The following GREM1 variants were observed in gnomAD, a reference collection of about 807,000 sequenced individuals.
GREM1 encodes gremlin-1.
In GREM1, 6 loss-of-function variants were observed where a neutral mutation model predicts 13.1. The ratio of observed to expected loss-of-function variants is 0.46; its 90% CI spans 0.25 to 0.91. The LOEUF (loss-of-function observed/expected upper bound fraction) is 0.91, where lower values mean the gene tolerates loss of function less well. GREM1 is among the 40% of genes least tolerant of loss of function. GREM1 has a pLI of 0.18. For missense variants in GREM1, 185 were observed against 233.9 expected (o/e 0.79, Z 1.36); for synonymous variants, 98 against 93.7 (o/e 1.05, Z -0.27).
At position 32,742,159 on chromosome 15, in the gene GREM1, G is replaced by C. The variant is rs2055767581; in HGVS notation, c.*10914G>C. 1 of 152,112 alleles carries C rather than the reference G, an allele frequency of 6.6e-6. No individual in the cohort carries two copies. The highest frequency in any genetic ancestry group is 1.5e-5 in the Non-Finnish European group (1 of 68,012). 9.4% of individuals were successfully genotyped at this position (152,112 alleles called of 1,614,324 possible). ...TCTTTTCTTGTGGTGTCTTTGTCCG[G>C]CTTTAGTATAAAGGTAATTCTGGCT... On this transcript the variant is annotated 3_prime_UTR_variant, in exon 2 of 2. Transcript: ENST00000651154.
rs1303364083 is a variant in GREM1 at position 32,738,670 on chromosome 15, T to G, written c.*7425T>G. 1 of 152,192 alleles carries G rather than the reference T, an allele frequency of 6.6e-6. No homozygotes were observed. The highest frequency in any genetic ancestry group is 1.5e-5 in the Non-Finnish European group (1 of 68,020). 9.4% of individuals were successfully genotyped at this position (152,192 alleles called of 1,614,324 possible). A position where few individuals can be genotyped will look rare whatever the true frequency, so the allele number is the denominator to read the frequency against. On this transcript the variant is annotated 3_prime_UTR_variant, in exon 2 of 2. Transcript: ENST00000651154. ...GTTGGAGAACTCACACTTCCTGGTT[T>G]CATAACATACACCAGGCTGGGCATG...
chr15:32,738,083 CAAAAAAAAAAA>C lies in GREM1; in HGVS notation c.*6878_*6888del, dbSNP rs67118209. The stretch of plus-strand genomic sequence containing the variant: ...GGAGGTTCTACCTAGGGTAATTAGG[CAAAAAAAAAAA>C]AAAAAAAAAAAAAAAAAAAAAAAAA... On this transcript the variant is annotated 3_prime_UTR_variant, in exon 2 of 2. Transcript: ENST00000651154. 2 of 18,928 alleles carry C rather than the reference CAAAAAAAAAAA, an allele frequency of 1.1e-4. No homozygotes were observed. The highest frequency in any genetic ancestry group is 2.3e-4 in the African/African-American group (1 of 4,376). 1.2% of individuals were successfully genotyped at this position (18,928 alleles called of 1,614,324 possible).
chr15:32,723,442 G>T (rs1796904292), intron 1 of GREM1, among the ~76,000 whole-genome samples: 2 of 152,142 alleles, frequency 1.3e-5, no homozygotes, highest in African/African-American at 4.8e-5. Context: ...TCTCTGAGAA[G>T]CTGAGGTCTC....
rs2055603266 is a variant in GREM1 at position 32,730,821 on chromosome 15, C to T, written c.131C>T (p.Ser44Leu). ...CCAGACAAGGCCCAGCACAATGACT[C>T]AGAGCAGACTCAGTCGCCCCAGCAG... Reference protein sequence around the residue: ...PPPDKAQHNDSEQTQSPQQPG... With the variant: ...PPPDKAQHNDLEQTQSPQQPG... The change falls in exon 2 of 2, where the codon TCA becomes TTA. Residue 44 changes from serine (S) to leucine (L), a missense_variant. Transcript: ENST00000651154. 3.1e-6 allele frequency: 5 copies of T among 1,613,932 alleles called. No homozygotes were observed. Among genetic ancestry groups the T allele is most frequent in the Non-Finnish European group, 4.2e-6 (5 of 1,179,980 alleles).
chr15:32,737,919 ACT>A lies in GREM1; in HGVS notation c.*6677_*6678del, dbSNP rs1211899580. 1 of 78,530 alleles carries A rather than the reference ACT, an allele frequency of 1.3e-5. No homozygotes were observed. The highest frequency in any genetic ancestry group is 2.5e-5 in the Non-Finnish European group (1 of 40,742). 4.9% of individuals were successfully genotyped at this position (78,530 alleles called of 1,614,324 possible). A position where few individuals can be genotyped will look rare whatever the true frequency, so the allele number is the denominator to read the frequency against. The stretch of plus-strand genomic sequence containing the variant: ...CTCCAGCCTGGGCAACAAGAACAAA[ACT>A]CTGTCTCAAAAAAAAAAAAAAAAAG... On this transcript the variant is annotated 3_prime_UTR_variant, in exon 2 of 2. Transcript: ENST00000651154.
At chr15:32,720,135 A>C (rs991394718) in intron 1 of GREM1, among the ~76,000 whole-genome samples, 3 of 152,096 alleles carry the variant, frequency 2.0e-5, no homozygotes, top group Admixed American at 1.3e-4. Flanking sequence ...TGTAGGAATT[A>C]GAGTCTTTTG....
intron 1 of GREM1, among the ~76,000 whole-genome samples, chr15:32,719,419 G>T (rs199549643): frequency 6.6e-6 from 1 of 152,158 alleles, no homozygotes; most frequent in Admixed American, 6.5e-5. Context: ...ATTCCTGCGC[G>T]CCCGGAGCTG....
In GREM1 at chr15:32,743,552, C is replaced by G. The variant is rs1361130153; in HGVS notation, c.*12307C>G. Reference sequence around the variant, plus strand: ...ATTTCTGATATAGATATAGGAGTGACTAATCTGGGTGGTTCTGGGTCAGAA... The same window carrying G: ...ATTTCTGATATAGATATAGGAGTGAGTAATCTGGGTGGTTCTGGGTCAGAA... On this transcript the variant is annotated 3_prime_UTR_variant, in exon 2 of 2. Coordinates refer to ENST00000651154, the MANE Select transcript of GREM1 (RefSeq NM_013372.7). 1 of 152,178 alleles carries G rather than the reference C, an allele frequency of 6.6e-6. No homozygotes were observed. The highest frequency in any genetic ancestry group is 1.5e-5 in the Non-Finnish European group (1 of 68,034). The allele number at this position is 152,178 out of a possible 1,614,324, so 9.4% of individuals were successfully genotyped here.
rs933896759 is a variant in GREM1, at chr15:32,731,522, A to C, written c.*277A>C. ...TGGGGATGTACCAGAAACCCACCTCACCCCGGCTCACATCTAAAGGGGCGG... is the reference window on the plus strand; with the variant it reads ...TGGGGATGTACCAGAAACCCACCTCCCCCCGGCTCACATCTAAAGGGGCGG... On this transcript the variant is annotated 3_prime_UTR_variant, in exon 2 of 2. Transcript: ENST00000651154. 2.2e-5 allele frequency: 10 copies of C among 462,116 alleles called. No individual in the cohort carries two copies. Among genetic ancestry groups the C allele is most frequent in the Non-Finnish European group, 4.0e-5 (10 of 252,752 alleles). The allele number at this position is 462,116 out of a possible 1,614,324, so 28.6% of individuals were successfully genotyped here.
chr15:32,718,116 G>C lies in GREM1; in HGVS notation c.-47G>C. 1 of 1,272,766 alleles carries C rather than the reference G, an allele frequency of 7.9e-7. No homozygotes were observed. The highest frequency in any genetic ancestry group is 2.3e-4 in the Middle Eastern group (1 of 4,268). 78.8% of individuals were successfully genotyped at this position (1,272,766 alleles called of 1,614,324 possible). ...GGCTCTGGCCGCGGCCGCACTCAGC[G>C]CCACGCGTCGAAAGCGCAGGCCCCG... On this transcript the variant is annotated 5_prime_UTR_variant, in exon 1 of 2. Coordinates refer to ENST00000651154, the MANE Select transcript of GREM1 (RefSeq NM_013372.7).
Position 32,738,083 on chromosome 15 carries a change from C to CAAAAAA in GREM1, c.*6883_*6888dup, listed in dbSNP as rs67118209. 5.3e-5 allele frequency: 1 copy of CAAAAAA among 18,922 alleles called. No individual in the cohort carries two copies. The highest frequency in any genetic ancestry group is 8.6e-5 in the Non-Finnish European group (1 of 11,644). 1.2% of individuals were successfully genotyped at this position (18,922 alleles called of 1,614,324 possible). A position where few individuals can be genotyped will look rare whatever the true frequency, so the allele number is the denominator to read the frequency against. On this transcript the variant is annotated 3_prime_UTR_variant, in exon 2 of 2. Coordinates refer to ENST00000651154, the MANE Select transcript of GREM1 (RefSeq NM_013372.7). ...GGAGGTTCTACCTAGGGTAATTAGG[C>CAAAAAA]AAAAAAAAAAAAAAAAAAAAAAAAA...
rs1186065300 is a variant in GREM1 at position 32,735,331 on chromosome 15, T to C, written c.*4086T>C. 1 of 152,152 alleles carries C rather than the reference T, an allele frequency of 6.6e-6. No homozygotes were observed. The highest frequency in any genetic ancestry group is 1.5e-5 in the Non-Finnish European group (1 of 68,022). The allele number at this position is 152,152 out of a possible 1,614,324, so 9.4% of individuals were successfully genotyped here. On this transcript the variant is annotated 3_prime_UTR_variant, in exon 2 of 2. Coordinates refer to ENST00000651154, the MANE Select transcript of GREM1 (RefSeq NM_013372.7). ...ACCAGACACTGTGCTAAGGATTTTC[T>C]TTGAATTGTTTCTCACTCAATCTTC...
rs1595856084 is a variant in GREM1 at position 32,735,971 on chromosome 15, G to A, written c.*4726G>A. The A allele has an allele frequency of 1.3e-5, 2 of 152,288 alleles. No individual in the cohort carries two copies. The highest frequency in any genetic ancestry group is 4.2e-4 in the South Asian group (2 of 4,818). 9.4% of individuals were successfully genotyped at this position (152,288 alleles called of 1,614,324 possible). On this transcript the variant is annotated 3_prime_UTR_variant, in exon 2 of 2. Coordinates refer to ENST00000651154, the MANE Select transcript of GREM1 (RefSeq NM_013372.7). ...TTCAAGAAAAAGACTAAATCTCTGTGAGCACTGTGATATTGTAACTTGCAC... is the reference window on the plus strand; with the variant it reads ...TTCAAGAAAAAGACTAAATCTCTGTAAGCACTGTGATATTGTAACTTGCAC...
intron 1 of GREM1, among the ~76,000 whole-genome samples, chr15:32,727,187 C>T (rs939710825): frequency 7.1e-6 from 1 of 141,242 alleles, no homozygotes; most frequent in Non-Finnish European, 1.5e-5. Flanking sequence ...ATACCAAAAC[C>T]TGGCAGAGAC....
rs754153370 is a variant in GREM1, at chr15:32,743,021, C to T, written c.*11776C>T. On this transcript the variant is annotated 3_prime_UTR_variant, in exon 2 of 2. Coordinates refer to ENST00000651154, the MANE Select transcript of GREM1 (RefSeq NM_013372.7). ...AAACAAAAATAGACAAATGGGACTA[C>T]CTCAAATTAAAATGTTTCTGCACAG... is the stretch of plus-strand genomic sequence containing the variant. 7 of 152,102 alleles carry T rather than the reference C, an allele frequency of 4.6e-5. No individual in the cohort carries two copies. Among genetic ancestry groups the T allele is most frequent in the Non-Finnish European group, 8.8e-5 (6 of 68,020 alleles). 9.4% of individuals were successfully genotyped at this position (152,102 alleles called of 1,614,324 possible). A position where few individuals can be genotyped will look rare whatever the true frequency, so the allele number is the denominator to read the frequency against.
rs1353997535 is a variant in GREM1 at position 32,742,822 on chromosome 15, C to T, written c.*11577C>T. The T allele has an allele frequency of 6.6e-6, 1 of 152,134 alleles. No homozygotes were observed. Among genetic ancestry groups the T allele is most frequent in the African/African-American group, 2.4e-5 (1 of 41,434 alleles). 9.4% of individuals were successfully genotyped at this position (152,134 alleles called of 1,614,324 possible). On this transcript the variant is annotated 3_prime_UTR_variant, in exon 2 of 2. Transcript: ENST00000651154. ...TGGTGTTGGGAAAACTGAATATCCA[C>T]ATGCAAAAGAATAAAATTGGACCCT...
In GREM1 at chr15:32,742,469, C is replaced by A. The variant is rs1404084908; in HGVS notation, c.*11224C>A. 6.6e-6 allele frequency: 1 copy of A among 152,110 alleles called. No individual in the cohort carries two copies. The highest frequency in any genetic ancestry group is 2.4e-5 in the African/African-American group (1 of 41,422). 9.4% of individuals were successfully genotyped at this position (152,110 alleles called of 1,614,324 possible). A position where few individuals can be genotyped will look rare whatever the true frequency, so the allele number is the denominator to read the frequency against. On this transcript the variant is annotated 3_prime_UTR_variant, in exon 2 of 2. Transcript: ENST00000651154. ...TATTACCCAAAGTGATCTATAGATT[C>A]ATGCAATCCCCATCAAAAATCCCAG...
chr15:32,723,138 C>G (rs1160431190), intron 1 of GREM1, among the ~76,000 whole-genome samples: 1 of 152,196 alleles, frequency 6.6e-6, no homozygotes, highest in Non-Finnish European at 1.5e-5. Context: ...ATGGGACACC[C>G]TTCTACATGT....
At chr15:32,723,055 T>G (rs1252750681) in intron 1 of GREM1, among the ~76,000 whole-genome samples, 1 of 152,216 alleles carries the variant, frequency 6.6e-6, no homozygotes, top group Non-Finnish European at 1.5e-5. Context: ...ATAAAGTGTT[T>G]GCAGCTAATG....
Sources: gnomAD v4.1 joint callset for allele counts (sites outside exome capture counted in the v4.1 genomes callset) on GRCh38, gnomAD v4.1.1 for gene constraint, MANE v1.5 for transcripts, NCBI Gene and HGNC (gene_info 2026-07-23, HGNC 2026-07-21) for gene names.